GPR39: variants seen among roughly 807,000 people sequenced by gnomAD.
The protein encoded by GPR39 is zinc sensing receptor.
GPR39 carries 23 observed loss-of-function variants against 18.4 expected under a neutral mutation model. That is an observed-to-expected ratio of 1.25 (90% CI 0.90 to 1.77). The LOEUF is 1.77. Ranked by LOEUF, GPR39 falls within the 40% of genes most tolerant of loss-of-function variation. The pLI is 0.00. For synonymous variants in GPR39, 280 were observed against 257.9 expected (o/e 1.09, Z -0.82); for missense variants, 647 against 602.4 (o/e 1.07, Z -0.78).
intron 1 of GPR39, among the ~76,000 whole-genome samples, chr2:132,485,152 C>T (rs185236966): frequency 6.6e-6 from 1 of 152,318 alleles, no homozygotes. Context: ...TTTTTGGTTT[C>T]CCAGTGCATA....
chr2:132,561,427 G>T (rs1000156125), intron 1 of GPR39, among the ~76,000 whole-genome samples: 2 of 152,160 alleles, frequency 1.3e-5, no homozygotes, highest in Admixed American at 6.5e-5. Flanking sequence ...TAGTGTAGGA[G>T]ATGACTTCAT....
At chr2:132,575,860 G>A (rs1226318247) in intron 1 of GPR39, among the ~76,000 whole-genome samples, 1 of 152,186 alleles carries the variant, frequency 6.6e-6, no homozygotes, top group Non-Finnish European at 1.5e-5. Context: ...GGAGCTTTGA[G>A]TGGTGGTTGG....
intron 1 of GPR39, among the ~76,000 whole-genome samples, chr2:132,606,945 T>C (rs1681149632): frequency 6.6e-6 from 1 of 152,210 alleles, no homozygotes; most frequent in Non-Finnish European, 1.5e-5. Context: ...ACCCTGCCAC[T>C]CTTTTCCAAA....
At chr2:132,506,022 T>A (rs1438976304) in intron 1 of GPR39, among the ~76,000 whole-genome samples, 1 of 152,236 alleles carries the variant, frequency 6.6e-6, no homozygotes, top group African/African-American at 2.4e-5. Context: ...CTAGCAACAG[T>A]GTATCAGCTC....
intron 1 of GPR39, among the ~76,000 whole-genome samples, chr2:132,592,798 A>G (rs1160125906): frequency 6.6e-6 from 1 of 152,176 alleles, no homozygotes; most frequent in Non-Finnish European, 1.5e-5. Flanking sequence ...GATTGATTGG[A>G]TGCAGAATGT....
chr2:132,635,045 T>G (rs1681724519), intron 1 of GPR39, among the ~76,000 whole-genome samples: 2 of 152,158 alleles, frequency 1.3e-5, no homozygotes, highest in African/African-American at 4.8e-5. Flanking sequence ...GGGCTGAGGG[T>G]GCTGGTCTTG....
chr2:132,561,709 G>A (rs565656491), intron 1 of GPR39, among the ~76,000 whole-genome samples: 1 of 151,948 alleles, frequency 6.6e-6, no homozygotes, highest in African/African-American at 2.4e-5. Flanking sequence ...GTATAGTTCC[G>A]GTCCAAGTCC....
At chr2:132,489,584 C>T (rs1681417303) in intron 1 of GPR39, among the ~76,000 whole-genome samples, 1 of 152,068 alleles carries the variant, frequency 6.6e-6, no homozygotes, top group Non-Finnish European at 1.5e-5. Flanking sequence ...GCTGCAGGTA[C>T]CGGGTAAGGA....
chr2:132,474,249 C>T (rs532126041), intron 1 of GPR39, among the ~76,000 whole-genome samples: 53 of 152,206 alleles, frequency 3.5e-4, no homozygotes, highest in Non-Finnish European at 4.1e-4. Flanking sequence ...CATATCTCTG[C>T]ACTGGTGTTA....
In GPR39 at chr2:132,638,068, G is replaced by C. The variant is rs549065504; in HGVS notation, c.857-7033G>C. Among the ~76,000 whole-genome samples the C allele has an allele frequency of 7.2e-5, 11 of 151,748 alleles. 1 individual carries two copies. In the South Asian group the frequency reaches 2.3e-3, roughly 32 times the overall value. ...TGGAGAAACATGTACAGAAAGAGGA[G>C]AAATGGAAGCAAAAAAGGAAAGGTG... On this transcript the variant is annotated intron_variant, in intron 1 of 1. Transcript: ENST00000329321.
chr2:132,490,876 C>G (rs572360279), intron 1 of GPR39, among the ~76,000 whole-genome samples: 7 of 152,138 alleles, frequency 4.6e-5, no homozygotes, highest in Non-Finnish European at 8.8e-5. Context: ...AATATCCACC[C>G]TGGTTGGAGG....
chr2:132,518,220 G>A (rs59201363), intron 1 of GPR39, among the ~76,000 whole-genome samples: 2 of 152,060 alleles, frequency 1.3e-5, no homozygotes, highest in Non-Finnish European at 2.9e-5. Context: ...GAAAGCTAGG[G>A]TTTCCCCTCT....
intron 1 of GPR39, among the ~76,000 whole-genome samples, chr2:132,467,640 C>G (rs570694749): frequency 1.3e-5 from 2 of 152,310 alleles, no homozygotes; most frequent in South Asian, 4.1e-4. Context: ...GACACAATCT[C>G]TCCATAGTCA....
intron 1 of GPR39, among the ~76,000 whole-genome samples, chr2:132,635,652 C>A (rs1681739983): frequency 6.6e-6 from 1 of 152,042 alleles, no homozygotes. Context: ...GGGGGCCTAG[C>A]AGGTCATGGG....
intron 1 of GPR39, among the ~76,000 whole-genome samples, chr2:132,554,569 T>G (rs891045429): frequency 3.9e-5 from 6 of 152,198 alleles, no homozygotes; most frequent in African/African-American, 1.4e-4. Context: ...ATCACTGATG[T>G]GCAGCCCTGG....
intron 1 of GPR39, among the ~76,000 whole-genome samples, chr2:132,557,670 A>G (rs1680179054): frequency 1.3e-5 from 2 of 152,124 alleles, no homozygotes; most frequent in African/African-American, 4.8e-5. Context: ...GCTCCACCGC[A>G]GTCAGAGGAG....
At chr2:132,492,710 T>C (rs1374152290) in intron 1 of GPR39, among the ~76,000 whole-genome samples, 2 of 142,208 alleles carry the variant, frequency 1.4e-5, no homozygotes, top group Non-Finnish European at 3.0e-5. Context: ...ATAATATATA[T>C]ACACACCATA....
chr2:132,532,240 T>A (rs148701676), intron 1 of GPR39, among the ~76,000 whole-genome samples: 23,323 of 151,940 alleles, frequency 0.15, 1,858 homozygotes, highest in Middle Eastern at 0.24. Flanking sequence ...AACTAGAAAA[T>A]CTAGAAGAAA....
chr2:132,605,146 A>T (rs1440383513), intron 1 of GPR39, among the ~76,000 whole-genome samples: 1 of 152,184 alleles, frequency 6.6e-6, no homozygotes, highest in Admixed American at 6.5e-5. Context: ...ATGACCTCAG[A>T]CAGCCCGACA....
Sources: gnomAD v4.1 joint callset for allele counts (sites outside exome capture counted in the v4.1 genomes callset) on GRCh38, gnomAD v4.1.1 for gene constraint, MANE v1.5 for transcripts, NCBI Gene and HGNC (gene_info 2026-07-23, HGNC 2026-07-21) for gene names.